RPS6KC1: variants seen among roughly 807,000 people sequenced by gnomAD.
RPS6KC1 encodes the protein ribosomal protein S6 kinase C1.
Under a neutral mutation model 103.8 loss-of-function variants are expected in RPS6KC1, and 54 were observed. The ratio of observed to expected loss-of-function variants is 0.52; its 90% CI spans 0.42 to 0.65. The LOEUF is 0.65. RPS6KC1 is among the 30% of genes least tolerant of loss of function. RPS6KC1 has a pLI of 0.00. For synonymous variants in RPS6KC1, 439 were observed against 438.7 expected (o/e 1.00, Z -0.01); for missense variants, 1,151 against 1,253.8 (o/e 0.92, Z 1.24).
the RPS6KC1 span, among the ~76,000 whole-genome samples, chr1:213,689,251 G>C: frequency 3.3e-5 from 5 of 152,172 alleles, no homozygotes; most frequent in African/African-American, 1.2e-4. Context: ...AGGGAGGAAT[G>C]ACGAAGCTCT....
the RPS6KC1 span, among the ~76,000 whole-genome samples, chr1:213,416,837 T>C: frequency 6.6e-6 from 1 of 152,190 alleles, no homozygotes; most frequent in East Asian, 1.9e-4. Flanking sequence ...GACTGGGGTC[T>C]GCACATGGTC....
chr1:213,790,966 A>G, the RPS6KC1 span, among the ~76,000 whole-genome samples: 10 of 95,970 alleles, frequency 1.0e-4, no homozygotes, highest in East Asian at 3.2e-3. Context: ...ATGATGACAC[A>G]TCATCTGTCT....
At chr1:213,721,235 G>C in the RPS6KC1 span, among the ~76,000 whole-genome samples, 1 of 152,162 alleles carries the variant, frequency 6.6e-6, no homozygotes, top group Non-Finnish European at 1.5e-5. Context: ...TCAGCCTGCT[G>C]TGTCCCCTTC....
chr1:213,684,970 C>T, the RPS6KC1 span, among the ~76,000 whole-genome samples: 59,574 of 152,088 alleles, frequency 0.39, 14,088 homozygotes, highest in South Asian at 0.72. Flanking sequence ...TCCCGAATGC[C>T]GGTTTGAGTT....
chr1:213,271,390 G>A (rs1479933288), intron 14 of RPS6KC1, among the ~76,000 whole-genome samples: 1 of 152,148 alleles, frequency 6.6e-6, no homozygotes, highest in Non-Finnish European at 1.5e-5. Context: ...GAGACAAAAG[G>A]CAGGTCAGTG....
the RPS6KC1 span, among the ~76,000 whole-genome samples, chr1:213,629,177 G>A: frequency 6.6e-6 from 1 of 152,164 alleles, no homozygotes; most frequent in South Asian, 2.1e-4. Context: ...AATGTTGACA[G>A]TGGGGTGTTA....
the RPS6KC1 span, among the ~76,000 whole-genome samples, chr1:213,849,586 C>A: frequency 2.0e-5 from 3 of 152,070 alleles, no homozygotes; most frequent in Admixed American, 6.6e-5. Flanking sequence ...TTTTTCTCAG[C>A]TATTTTCATA....
rs541836961 is a variant in RPS6KC1 at position 213,074,632 on chromosome 1, C to T, written c.142-3064C>T. Reference sequence around the variant, plus strand: ...GCTGTTAGGTATTTTGGTTCTGCAGCCCTAGAGTTGAGAAGAAGGAATATA... The same window carrying T: ...GCTGTTAGGTATTTTGGTTCTGCAGTCCTAGAGTTGAGAAGAAGGAATATA... On this transcript the variant is annotated intron_variant, in intron 2 of 14. Coordinates refer to ENST00000366960, the MANE Select transcript of RPS6KC1 (RefSeq NM_012424.6). Among the ~76,000 whole-genome samples, 3 of 152,006 alleles carry T rather than the reference C, an allele frequency of 2.0e-5. No individual in the cohort carries two copies. The South Asian group carries it at 6.2e-4, about 32-fold the overall frequency.
At chr1:213,692,713 T>C in the RPS6KC1 span, among the ~76,000 whole-genome samples, 1 of 152,244 alleles carries the variant, frequency 6.6e-6, no homozygotes, top group Non-Finnish European at 1.5e-5. Flanking sequence ...AGTTAAACTC[T>C]GCAATTTTGC....
At chr1:213,100,133 A>C (rs571010293) in intron 3 of RPS6KC1, among the ~76,000 whole-genome samples, 21 of 152,330 alleles carry the variant, frequency 1.4e-4, no homozygotes, top group Admixed American at 4.6e-4. Flanking sequence ...GGGCATTATC[A>C]GCCTTTTTTA....
the RPS6KC1 span, among the ~76,000 whole-genome samples, chr1:213,526,290 T>C: frequency 2.0e-5 from 3 of 152,134 alleles, no homozygotes; most frequent in Non-Finnish European, 4.4e-5. Flanking sequence ...GTGGACAGAT[T>C]TGAGCACATG....
intron 14 of RPS6KC1, among the ~76,000 whole-genome samples, chr1:213,272,123 AT>A (rs2095060656): frequency 6.6e-6 from 1 of 152,198 alleles, no homozygotes; most frequent in Non-Finnish European, 1.5e-5. Context: ...GGGTCGAAAG[AT>A]TTACTGTGCT....
chr1:213,755,427 C>T, the RPS6KC1 span, among the ~76,000 whole-genome samples: 4 of 152,224 alleles, frequency 2.6e-5, no homozygotes, highest in African/African-American at 7.2e-5. Flanking sequence ...CAAATATCTG[C>T]CCACTGGGCA....
chr1:213,704,400 A>C, the RPS6KC1 span, among the ~76,000 whole-genome samples: 17 of 151,090 alleles, frequency 1.1e-4, no homozygotes, highest in African/African-American at 3.9e-4. Flanking sequence ...AAAAAAAAAA[A>C]AAAAAAAAAA....
At chr1:213,449,307 C>G in the RPS6KC1 span, among the ~76,000 whole-genome samples, 2 of 152,206 alleles carry the variant, frequency 1.3e-5, no homozygotes, top group African/African-American at 2.4e-5. Flanking sequence ...GCGAGGGCTG[C>G]CACAGCGAAA....
At chr1:213,583,231 A>G in the RPS6KC1 span, among the ~76,000 whole-genome samples, 1 of 152,220 alleles carries the variant, frequency 6.6e-6, no homozygotes, top group African/African-American at 2.4e-5. Flanking sequence ...TTCGTGCACA[A>G]ATCTTTGCAT....
At chr1:213,800,126 G>A in the RPS6KC1 span, among the ~76,000 whole-genome samples, 1 of 152,142 alleles carries the variant, frequency 6.6e-6, no homozygotes, top group African/African-American at 2.4e-5. Flanking sequence ...CCGTCACATA[G>A]GGGGTTAGGG....
At chr1:213,805,430 T>C in the RPS6KC1 span, among the ~76,000 whole-genome samples, 2 of 152,236 alleles carry the variant, frequency 1.3e-5, no homozygotes, top group African/African-American at 2.4e-5. Context: ...CAACAGTGTT[T>C]ACGGCATCTT....
the RPS6KC1 span, among the ~76,000 whole-genome samples, chr1:213,417,927 C>T: frequency 1.3e-5 from 2 of 152,272 alleles, no homozygotes; most frequent in South Asian, 2.1e-4. Flanking sequence ...CCTTCCAGAC[C>T]TGATGGTCAT....
Sources: gnomAD v4.1 joint callset for allele counts (sites outside exome capture counted in the v4.1 genomes callset) on GRCh38, gnomAD v4.1.1 for gene constraint, MANE v1.5 for transcripts, NCBI Gene and HGNC (gene_info 2026-07-23, HGNC 2026-07-21) for gene names.